EML3: variants seen among roughly 807,000 people sequenced by gnomAD.
EML3 encodes the protein EMAP like 3.
In EML3, 53 loss-of-function variants were observed where a neutral mutation model predicts 106.7. That is an observed-to-expected ratio of 0.50 (90% CI 0.40 to 0.62). EML3 has a LOEUF of 0.62. Among genes scored for constraint, EML3 ranks in the 20% least tolerant of loss-of-function variants. The probability of loss-of-function intolerance (pLI) is 0.00; values close to 1 mark genes in which losing one functional copy is unlikely to be tolerated. For synonymous variants in EML3, 499 were observed against 489.6 expected (o/e 1.02, Z -0.25); for missense variants, 994 against 1,209.1 (o/e 0.82, Z 2.64).
rs1055966525 is a variant in EML3, at chr11:62,611,651, G to C, written c.23-55C>G. The C allele has an allele frequency of 1.9e-6, 3 of 1,547,048 alleles. No homozygotes were observed. The African/African-American group carries it at 4.1e-5, about 21-fold the overall frequency. ...GTACCCATCACCTGAAGAAAGCGTA[G>C]AGGGGATTCTGTCTCCCCACAACTT... On this transcript the variant is annotated intron_variant, in intron 1 of 21. Transcript: ENST00000394773.
Position 62,604,053 on chromosome 11 carries a change from G to A in EML3, c.2072-12C>T. 1.2e-6 allele frequency: 2 copies of A among 1,614,160 alleles called. No individual in the cohort carries two copies. Among genetic ancestry groups the A allele is most frequent in the South Asian group, 2.2e-5 (2 of 91,080 alleles). On this transcript the variant is annotated splice_polypyrimidine_tract_variant and intron_variant, in intron 17 of 21. Coordinates refer to ENST00000394773, the MANE Select transcript of EML3 (RefSeq NM_153265.3). Reference sequence around the variant, plus strand: ...CAGGTACAACCCATCTGCAAATACAGTCACTCAGAGAGGGAAGGGCCAGGG... The same window carrying A: ...CAGGTACAACCCATCTGCAAATACAATCACTCAGAGAGGGAAGGGCCAGGG...
intron 1 of EML3, chr11:62,611,928 C>T: frequency 2.5e-6 from 1 of 402,014 alleles, no homozygotes; most frequent in Non-Finnish European, 4.5e-6. Flanking sequence ...CTGGTGAGGG[C>T]AGGGACCGCA....
Position 62,612,543 on chromosome 11 carries a change from C to G in EML3, c.-86G>C. On this transcript the variant is annotated 5_prime_UTR_variant, in exon 1 of 22. Transcript: ENST00000394773. ...CGGCCGGGGAGAGGGGAAGGGGAAG[C>G]ACCCCGGGGCGCGCGCGAAGGGCGC... 7.8e-7 allele frequency: 1 copy of G among 1,274,214 alleles called. No individual in the cohort carries two copies. The allele number at this position is 1,274,214 out of a possible 1,614,324, so 78.9% of individuals were successfully genotyped here. A position where few individuals can be genotyped will look rare whatever the true frequency, so the allele number is the denominator to read the frequency against.
intron 1 of EML3, chr11:62,612,096 G>C (rs996610015): frequency 4.5e-6 from 2 of 447,566 alleles, no homozygotes; most frequent in Non-Finnish European, 7.9e-6. Flanking sequence ...GAGAGTGTGA[G>C]TGGTGAGCAG....
At chr11:62,607,959 TC>T in intron 10 of EML3, 138 bp from the exon 11 acceptor site, 1 of 1,012,936 alleles carries the variant, frequency 9.9e-7, no homozygotes, top group South Asian at 1.6e-5. Context: ...AAAACCCTGG[TC>T]CCCTAAGAGC....
chr11:62,603,012 C>T (rs1942317277), intron 20 of EML3, 123 bp from the exon 21 acceptor site: 17 of 1,221,152 alleles, frequency 1.4e-5, no homozygotes, highest in Non-Finnish European at 1.6e-5. Context: ...CAAGCCTTCC[C>T]GGTCCCGAGG....
At position 62,605,839 on chromosome 11, in the gene EML3, G is replaced by A. The variant is rs371359643; in HGVS notation, c.1782+16C>T. 1.3e-4 allele frequency: 216 copies of A among 1,613,550 alleles called. No individual in the cohort carries two copies. Among genetic ancestry groups the A allele is most frequent in the Non-Finnish European group, 1.7e-4 (201 of 1,179,776 alleles). On this transcript the variant is annotated intron_variant, in intron 14 of 21. Coordinates refer to ENST00000394773, the MANE Select transcript of EML3 (RefSeq NM_153265.3). The surrounding 1 kb of genome is among the most constrained non-coding windows in gnomAD (Gnocchi z 5.2). ...ACCCCTTTGTCCCTTCCTCCCCTGAGCCCTTAACCCCCAACCTGGATTACA... is the reference window on the plus strand; with the variant it reads ...ACCCCTTTGTCCCTTCCTCCCCTGAACCCTTAACCCCCAACCTGGATTACA...
Position 62,603,192 on chromosome 11 carries a change from C to G in EML3, c.2313G>C (p.Arg771=), listed in dbSNP as rs190938643. Residue 771 remains arginine (R), a synonymous_variant, in exon 20 of 22, where the codon CGG becomes CGC. Coordinates refer to ENST00000394773, the MANE Select transcript of EML3 (RefSeq NM_153265.3). ...GCACACAGGTGTAGGTAGCCCATTC[C>G]CGGTCTCGGCTCTCATAGCGATTCT... is the stretch of plus-strand genomic sequence containing the variant. The part of the protein sequence containing the change: ...QLKNRYESRD[R]EWATYTCVLG... 144 of 1,614,086 alleles carry G rather than the reference C, an allele frequency of 8.9e-5. No individual in the cohort carries two copies. The East Asian group carries it at 2.9e-3, about 33-fold the overall frequency.
At position 62,605,263 on chromosome 11, in the gene EML3, A is replaced by C; in HGVS notation, c.1915-83T>G. Reference sequence around the variant, plus strand: ...TGAACCCCTTGTCCTCCTAACTTCAAAGCCACTTACTCCCAAGGAGAAGAT... The same window carrying C: ...TGAACCCCTTGTCCTCCTAACTTCACAGCCACTTACTCCCAAGGAGAAGAT... On this transcript the variant is annotated intron_variant, in intron 15 of 21. Coordinates refer to ENST00000394773, the MANE Select transcript of EML3 (RefSeq NM_153265.3). The surrounding 1 kb of genome is among the most constrained non-coding windows in gnomAD (Gnocchi z 5.2). 1 of 1,401,020 alleles carries C rather than the reference A, an allele frequency of 7.1e-7. No homozygotes were observed. The highest frequency in any genetic ancestry group is 9.8e-7 in the Non-Finnish European group (1 of 1,017,464). 86.8% of individuals were successfully genotyped at this position (1,401,020 alleles called of 1,614,324 possible). A position where few individuals can be genotyped will look rare whatever the true frequency, so the allele number is the denominator to read the frequency against.
At chr11:62,603,494 C>A (rs1376877582) in intron 19 of EML3, among the ~76,000 whole-genome samples, 2 of 152,196 alleles carry the variant, frequency 1.3e-5, no homozygotes, top group Admixed American at 1.3e-4. Context: ...CCACACTTGC[C>A]CTGAGAAACT....
In EML3 at chr11:62,605,667, G is replaced by T; in HGVS notation, c.1889C>A (p.Ala630Glu). Residue 630 changes from alanine to glutamate, a missense_variant, in exon 15 of 22, where the codon GCA (alanine) becomes GAA (glutamate). This residue lies in a region of EML3 where 713 missense variants were observed against 920.5 expected (regional missense o/e 0.77). Coordinates refer to ENST00000394773, the MANE Select transcript of EML3 (RefSeq NM_153265.3). This position sits in a 1 kb window ranked among gnomAD's most constrained non-coding sequence, Gnocchi z 5.2. The stretch of plus-strand genomic sequence containing the variant: ...CTTGAGGTCGATGCTCCAGGCCAGT[G>T]CATGGCTCTCCCCATCCCACAGGCA... The part of the protein sequence containing the change: ...QLCLWDGESH[A>E]LAWSIDLKET... 6.3e-7 allele frequency: 1 copy of T among 1,579,792 alleles called. No homozygotes were observed.
Position 62,610,992 on chromosome 11 carries a change from C to A in EML3, c.453G>T (p.Thr151=). Reference sequence around the variant, plus strand: ...AGGAGGAGGAAGAATTTCTTCGCGGCCTGGTGGGGGCATAGTGAAGGTCAT... The same window carrying A: ...AGGAGGAGGAAGAATTTCTTCGCGGACTGGTGGGGGCATAGTGAAGGTCAT... ...RPLQPPQRAD[T]PRRNSSSSSS... Residue 151 remains threonine (T), a splice_region_variant and synonymous_variant, in exon 4 of 22, where the codon ACG becomes ACT. Coordinates refer to ENST00000394773, the MANE Select transcript of EML3 (RefSeq NM_153265.3). 1 of 1,613,006 alleles carries A rather than the reference C, an allele frequency of 6.2e-7. No individual in the cohort carries two copies. Among genetic ancestry groups the A allele is most frequent in the South Asian group, 1.1e-5 (1 of 91,022 alleles).
chr11:62,602,440 A>C lies in EML3; in HGVS notation c.*35T>G, dbSNP rs1226251437. ...GGGAAGGGCAGGGCGGGGCGGGGCC[A>C]CGCCGCCGGGCCAGTCGGTCCCGCC... On this transcript the variant is annotated 3_prime_UTR_variant, in exon 22 of 22. Coordinates refer to ENST00000394773, the MANE Select transcript of EML3 (RefSeq NM_153265.3). 7 of 1,544,576 alleles carry C rather than the reference A, an allele frequency of 4.5e-6. No homozygotes were observed. In the South Asian group the frequency reaches 8.3e-5, roughly 18 times the overall value.
chr11:62,606,410 G>C, intron 12 of EML3, 196 bp from the exon 13 acceptor site: 3 of 694,270 alleles, frequency 4.3e-6, no homozygotes, highest in Non-Finnish European at 7.0e-6. Context: ...ACAGAAATGA[G>C]GTAACTTCCT....
chr11:62,610,997 TG>T lies in EML3; in HGVS notation c.453-6del. 1 of 1,612,648 alleles carries T rather than the reference TG, an allele frequency of 6.2e-7. No homozygotes were observed. On this transcript the variant is annotated splice_region_variant and splice_polypyrimidine_tract_variant and intron_variant, in intron 3 of 21. Transcript: ENST00000394773. Reference sequence around the variant, plus strand: ...GAGGAAGAATTTCTTCGCGGCCTGGTGGGGGCATAGTGAAGGTCATTCCCTC... The same window carrying T: ...GAGGAAGAATTTCTTCGCGGCCTGGTGGGGCATAGTGAAGGTCATTCCCTC...
chr11:62,606,873 A>AAAG, intron 12 of EML3, 85 bp downstream of exon 12: 1 of 1,429,428 alleles, frequency 7.0e-7, no homozygotes, highest in Non-Finnish European at 9.3e-7. Flanking sequence ...AAAAAAAAAA[A>AAAG]AGATGGGAAT....
At position 62,609,342 on chromosome 11, in the gene EML3, G is replaced by A; in HGVS notation, c.758+12C>T. 8.4e-6 allele frequency: 13 copies of A among 1,550,596 alleles called. No individual in the cohort carries two copies. The highest frequency in any genetic ancestry group is 1.0e-5 in the Non-Finnish European group (12 of 1,148,256). On this transcript the variant is annotated intron_variant, in intron 6 of 21. Coordinates refer to ENST00000394773, the MANE Select transcript of EML3 (RefSeq NM_153265.3). ...AAAGGTGGTTCTCATGGGACTGGAA[G>A]GGGCAGGATACACCCAGTCAAGGCT... is the stretch of plus-strand genomic sequence containing the variant.
At position 62,612,493 on chromosome 11, in the gene EML3, G is replaced by T. The variant is rs1196546003; in HGVS notation, c.-36C>A. Reference sequence around the variant, plus strand: ...GGTTGCTCCGAGCGGCGGCGGCGGAGGAGGCGTCTAAGCCGCGGGGGCCAC... The same window carrying T: ...GGTTGCTCCGAGCGGCGGCGGCGGATGAGGCGTCTAAGCCGCGGGGGCCAC... On this transcript the variant is annotated 5_prime_UTR_variant, in exon 1 of 22. Coordinates refer to ENST00000394773, the MANE Select transcript of EML3 (RefSeq NM_153265.3). 25 of 1,398,130 alleles carry T rather than the reference G, an allele frequency of 1.8e-5. No homozygotes were observed. The highest frequency in any genetic ancestry group is 4.5e-5 in the African/African-American group (3 of 66,062). 86.6% of individuals were successfully genotyped at this position (1,398,130 alleles called of 1,614,324 possible).
At position 62,609,628 on chromosome 11, in the gene EML3, C is replaced by A; in HGVS notation, c.634+1G>T. The stretch of plus-strand genomic sequence containing the variant: ...TTTCCTCTCTGTCCCTCTTTACATA[C>A]CCAAATTGTAATTGCTCCTCCGAGA... On this transcript the variant is annotated splice_donor_variant, in intron 5 of 21. Transcript: ENST00000394773. LOFTEE classifies it high-confidence loss of function. The A allele has an allele frequency of 6.2e-7, 1 of 1,607,410 alleles. No individual in the cohort carries two copies. The highest frequency in any genetic ancestry group is 2.2e-5 in the East Asian group (1 of 44,590).
Sources: allele counts gnomAD v4.1 joint callset (sites outside exome capture counted in the v4.1 genomes callset), GRCh38; gene constraint gnomAD v4.1.1; regional missense constraint gnomAD v4.1.1; non-coding constraint Gnocchi (gnomAD v3.1); transcripts MANE v1.5; gene names NCBI Gene and HGNC (gene_info 2026-07-23, HGNC 2026-07-21).